The following ARHGEF1 variants were observed in gnomAD, a reference collection of about 807,000 sequenced individuals.
ARHGEF1 encodes 115 kDa guanine nucleotide exchange factor.
In ARHGEF1, 40 loss-of-function variants were observed where a neutral mutation model predicts 119.7. The observed-to-expected ratio is 0.33, with a 90% CI of 0.26 to 0.44. The LOEUF is 0.44. Ranked by LOEUF, ARHGEF1 falls within the 20% of genes least tolerant of loss-of-function variation. ARHGEF1 has a pLI of 1.00. For missense variants in ARHGEF1, 976 were observed against 1,268.3 expected, an observed-to-expected ratio of 0.77 and a Z score of 3.50; for synonymous variants, 494 against 521.0, an observed-to-expected ratio of 0.95 and a Z score of 0.71.
At chr19:41,914,570 TCTCC>T in intron 18 of ARHGEF1, among the ~76,000 whole-genome samples, 1 of 26,792 alleles carries the variant, frequency 3.7e-5, no homozygotes, top group Non-Finnish European at 7.9e-5. Flanking sequence ...ACCATCTCTG[TCTCC>T]GTCTCTCCCT....
chr19:41,927,819 A>G (rs2074880447), intron 1 of ARHGEF1, among the ~76,000 whole-genome samples: 1 of 147,156 alleles, frequency 6.8e-6, no homozygotes, highest in African/African-American at 2.6e-5. Flanking sequence ...CCCTGTCCCG[A>G]GGCCGCACCT....
chr19:41,896,815 T>TCTCTCACCTACCCCCTC, intron 13 of ARHGEF1: 1 of 336,774 alleles, frequency 3.0e-6, no homozygotes, highest in Non-Finnish European at 5.4e-6. Context: ...TCCCCTCTCC[T>TCTCTCACCTACCCCCTC]CTCTCACCTC....
rs559459855 is a variant in ARHGEF1, at chr19:41,902,243, G to A, written c.1415-31G>A. Reference sequence around the variant, plus strand: ...CCCGCACAGCATCTTCCAGACCCTGGTGGAGCATCCCTTTCCTCCTGCCCC... The same window carrying A: ...CCCGCACAGCATCTTCCAGACCCTGATGGAGCATCCCTTTCCTCCTGCCCC... On this transcript the variant is annotated intron_variant, in intron 15 of 28. Coordinates refer to ENST00000354532, the MANE Select transcript of ARHGEF1 (RefSeq NM_004706.4). The surrounding 1 kb of genome is among the most constrained non-coding windows in gnomAD (Gnocchi z 6.5). 7 of 1,613,244 alleles carry A rather than the reference G, an allele frequency of 4.3e-6. No individual in the cohort carries two copies. The African/African-American group carries it at 5.3e-5, about 12-fold the overall frequency.
Position 41,914,643 on chromosome 19 carries a change from CTCCCTTTCCACCATCTCTGTCTCTCCCT to C in ARHGEF1, c.1865+7841_1865+7868del. ...CCACCATCTCTGTCTCTGTCTCTCC[CTCCCTTTCCACCATCTCTGTCTCTCCCT>C]CCCCTTCCACCATCTCTGTCTCTCC... On this transcript the variant is annotated intron_variant, in intron 18 of 20. Coordinates refer to the ARHGEF1 transcript ENST00000599589. Among the ~76,000 whole-genome samples the C allele has an allele frequency of 3.3e-4, 13 of 39,640 alleles. 1 individual carries two copies. Among genetic ancestry groups the C allele is most frequent in the Non-Finnish European group, 4.4e-4 (10 of 22,966 alleles). The allele number at this position is 39,640 out of a possible 152,430, so 26.0% of individuals were successfully genotyped here. A position where few individuals can be genotyped will look rare whatever the true frequency, so the allele number is the denominator to read the frequency against.
upstream of ARHGEF1, among the ~76,000 whole-genome samples, chr19:41,922,764 G>A (rs1199373484): frequency 6.6e-6 from 1 of 152,206 alleles, no homozygotes; most frequent in Non-Finnish European, 1.5e-5. Flanking sequence ...AGGGGCATCA[G>A]GCGCGGTGCT....
chr19:41,924,166 A>G (rs2074858679), intron 1 of ARHGEF1, among the ~76,000 whole-genome samples: 1 of 151,660 alleles, frequency 6.6e-6, no homozygotes, highest in Non-Finnish European at 1.5e-5. Context: ...TTGGGAGGTA[A>G]TGGAGAAGCA....
At position 41,907,380 on chromosome 19, in the gene ARHGEF1, C is replaced by T; in HGVS notation, c.*293C>T. The T allele has an allele frequency of 6.5e-7, 1 of 1,535,364 alleles. No homozygotes were observed. Among genetic ancestry groups the T allele is most frequent in the Non-Finnish European group, 8.7e-7 (1 of 1,146,624 alleles). Reference sequence around the variant, plus strand: ...GTGGGGGCCACCCCTCCACCCCCACCCCCAAGTGCCTTCGCTCTGTTTTTA... The same window carrying T: ...GTGGGGGCCACCCCTCCACCCCCACTCCCAAGTGCCTTCGCTCTGTTTTTA... On this transcript the variant is annotated 3_prime_UTR_variant, in exon 29 of 29. Coordinates refer to ENST00000354532, the MANE Select transcript of ARHGEF1 (RefSeq NM_004706.4).
chr19:41,918,318 C>G (rs782212619), upstream of ARHGEF1, among the ~76,000 whole-genome samples: 8 of 151,202 alleles, frequency 5.3e-5, no homozygotes, highest in Non-Finnish European at 1.0e-4. Flanking sequence ...CCCCACACAC[C>G]ACATACACAC....
At position 41,907,435 on chromosome 19, in the gene ARHGEF1, A is replaced by ATATAT. The variant is rs2074720309; in HGVS notation, c.*352_*356dup. On this transcript the variant is annotated 3_prime_UTR_variant, in exon 29 of 29. Transcript: ENST00000354532. ...CTGAATTGGAGGTTTATTTTTTAAT[A>ATATAT]TATATTATCTAAGAAGAGATCTGTG... 3.3e-6 allele frequency: 5 copies of ATATAT among 1,522,708 alleles called. No individual in the cohort carries two copies. In the South Asian group the frequency reaches 4.8e-5, roughly 15 times the overall value. 94.3% of individuals were successfully genotyped at this position (1,522,708 alleles called of 1,614,324 possible). A position where few individuals can be genotyped will look rare whatever the true frequency, so the allele number is the denominator to read the frequency against.
At position 41,903,397 on chromosome 19, in the gene ARHGEF1, A is replaced by C; in HGVS notation, c.1829A>C (p.Glu610Ala). 1 of 1,613,910 alleles carries C rather than the reference A, an allele frequency of 6.2e-7. No homozygotes were observed. The part of the protein sequence containing the change: ...HHVNQAVRDM[E>A]DLLRLKDYQR... Reference sequence around the variant, plus strand: ...GTCAACCAAGCCGTGCGTGACATGGAGGACCTGCTGGTGAGCCTGGGCTGG... The same window carrying C: ...GTCAACCAAGCCGTGCGTGACATGGCGGACCTGCTGGTGAGCCTGGGCTGG... The change falls in exon 19 of 29, where the codon GAG becomes GCG. Residue 610 changes from glutamate (E) to alanine (A), a missense_variant. By Grantham distance (107) the Glu-to-Ala change is moderately radical (BLOSUM62 -1). Around this residue, in one of 3 missense-constraint regions of ARHGEF1, gnomAD observed 286 missense variants for 506.8 expected, o/e 0.56. Coordinates refer to ENST00000354532, the MANE Select transcript of ARHGEF1 (RefSeq NM_004706.4). This position sits in a 1 kb window ranked among gnomAD's most constrained non-coding sequence, Gnocchi z 4.2.
chr19:41,891,025 C>T (rs1372311955), intron 4 of ARHGEF1, among the ~76,000 whole-genome samples: 1 of 152,142 alleles, frequency 6.6e-6, no homozygotes, highest in Non-Finnish European at 1.5e-5. Context: ...CACTGTCACC[C>T]AGAACAGGGG....
rs1555849272 is a variant in ARHGEF1 at position 41,902,594 on chromosome 19, C to T, written c.1559C>T (p.Ser520Leu). The change falls in exon 17 of 29, where the codon TCA (serine) becomes TTA (leucine). Residue 520 changes from serine to leucine, a missense_variant. This residue lies in a region of ARHGEF1 where 286 missense variants were observed against 506.8 expected (regional missense o/e 0.56). Transcript: ENST00000354532. The surrounding 1 kb of genome is among the most constrained non-coding windows in gnomAD (Gnocchi z 6.5). ...TCCTCCCGCTTCTGCAGCCGCCAGT[C>T]ATTTGCCTTAGAGCAGCTCAAAGCC... ...KISSRFCSRQ[S>L]FALEQLKAKQ... The T allele has an allele frequency of 4.3e-6, 7 of 1,614,116 alleles. No homozygotes were observed. In the South Asian group the frequency reaches 5.5e-5, roughly 13 times the overall value.
At chr19:41,921,506 CAG>C (rs2074842107), upstream of ARHGEF1, among the ~76,000 whole-genome samples, 1 of 151,640 alleles carries the variant, frequency 6.6e-6, no homozygotes, top group Admixed American at 6.6e-5. The surrounding 1 kb of genome is among the most constrained non-coding windows in gnomAD (Gnocchi z 4.4). Context: ...GAGACAGAGA[CAG>C]AGAGACAGGC....
downstream of ARHGEF1, chr19:41,908,057 G>T (rs1331087219): frequency 1.3e-5 from 6 of 457,308 alleles, no homozygotes; most frequent in Non-Finnish European, 2.1e-5. This position sits in a 1 kb window ranked among gnomAD's most constrained non-coding sequence, Gnocchi z 6.7. Flanking sequence ...CCTCTGTGGA[G>T]GGGGAAGTGA....
chr19:41,902,473 T>G lies in ARHGEF1; in HGVS notation c.1498-60T>G. On this transcript the variant is annotated intron_variant, in intron 16 of 28. Transcript: ENST00000354532. This position sits in a 1 kb window ranked among gnomAD's most constrained non-coding sequence, Gnocchi z 6.5. ...GTCTGGGCTTCCAGCCTGTCGTACT[T>G]TAGTCCCTGTTCTTGCCCATCCCCA... 1 of 1,612,496 alleles carries G rather than the reference T, an allele frequency of 6.2e-7. No individual in the cohort carries two copies. Among genetic ancestry groups the G allele is most frequent in the Non-Finnish European group, 8.5e-7 (1 of 1,179,544 alleles).
At chr19:41,918,913 C>G (rs923533880), upstream of ARHGEF1, among the ~76,000 whole-genome samples, 1 of 150,770 alleles carries the variant, frequency 6.6e-6, no homozygotes, top group Non-Finnish European at 1.5e-5. Flanking sequence ...CACACATACA[C>G]CACACACACA....
chr19:41,919,549 AC>A (rs1370260166), upstream of ARHGEF1, among the ~76,000 whole-genome samples: 1 of 151,830 alleles, frequency 6.6e-6, no homozygotes, highest in Non-Finnish European at 1.5e-5. Flanking sequence ...CCACATCTGA[AC>A]CCAGACTCAG....
At position 41,903,312 on chromosome 19, in the gene ARHGEF1, C is replaced by A. The variant is rs782082042; in HGVS notation, c.1744C>A (p.Pro582Thr). The A allele has an allele frequency of 3.7e-6, 6 of 1,613,782 alleles. No individual in the cohort carries two copies. The highest frequency in any genetic ancestry group is 1.3e-5 in the African/African-American group (1 of 74,932). The change falls in exon 19 of 29, where the codon CCC (proline) becomes ACC (threonine). Residue 582 changes from proline to threonine, a missense_variant. Around this residue, in one of 3 missense-constraint regions of ARHGEF1, gnomAD observed 286 missense variants for 506.8 expected, o/e 0.56. Transcript: ENST00000354532. This position sits in a 1 kb window ranked among gnomAD's most constrained non-coding sequence, Gnocchi z 4.2. ...GCTCTCTCCCTTGCCTGCAGAAGAG[C>A]CCACAGAACGGGAGAAAGTGGAGCT... is the stretch of plus-strand genomic sequence containing the variant. ...LQSIGQNTEE[P>T]TEREKVELAA...
downstream of ARHGEF1, chr19:41,908,224 C>T (rs1053258710): frequency 4.6e-5 from 57 of 1,231,612 alleles, 1 homozygote; most frequent in Non-Finnish European, 5.4e-5. The surrounding 1 kb of genome is among the most constrained non-coding windows in gnomAD (Gnocchi z 6.7). Context: ...TGCCCCCTGC[C>T]GGCTCAGCTG....
Sources: gnomAD v4.1 joint callset for allele counts (sites outside exome capture counted in the v4.1 genomes callset) on GRCh38, gnomAD v4.1.1 for gene constraint, gnomAD v4.1.1 regional missense constraint, Gnocchi (gnomAD v3.1) non-coding constraint, MANE v1.5 for transcripts, NCBI Gene and HGNC (gene_info 2026-07-23, HGNC 2026-07-21) for gene names.